Variants in LRRC4C observed in about 807,000 individuals in gnomAD.
LRRC4C encodes the protein leucine-rich repeat-containing protein 4C.
Under a neutral mutation model 33.6 loss-of-function variants are expected in LRRC4C, and 5 were observed. The observed-to-expected ratio is 0.15, with a 90% CI of 0.08 to 0.31. The LOEUF is 0.31. Ranked by LOEUF, LRRC4C falls within the 10% of genes least tolerant of loss-of-function variation. The pLI is 1.00. For synonymous variants in LRRC4C, 329 were observed against 302.0 expected, an observed-to-expected ratio of 1.09 and a Z score of -0.93; for missense variants, 560 against 796.7, an observed-to-expected ratio of 0.70 and a Z score of 3.58.
chr11:40,952,696 A>C (rs760786864), intron 1 of LRRC4C, among the ~76,000 whole-genome samples: 34 of 151,914 alleles, frequency 2.2e-4, no homozygotes, highest in Non-Finnish European at 8.8e-5. Flanking sequence ...CCATGATTCC[A>C]ATCCAAGTGT....
At chr11:40,750,562 C>T (rs750655196) in intron 2 of LRRC4C, among the ~76,000 whole-genome samples, 2 of 148,344 alleles carry the variant, frequency 1.3e-5, no homozygotes, top group Non-Finnish European at 3.0e-5. Flanking sequence ...GGACAAGAAA[C>T]CAAATACCGC....
intron 2 of LRRC4C, among the ~76,000 whole-genome samples, chr11:40,676,014 G>C (rs1418282282): frequency 6.6e-6 from 1 of 152,048 alleles, no homozygotes; most frequent in Non-Finnish European, 1.5e-5. Flanking sequence ...CAAATCCCAG[G>C]AGTTACTAAC....
At chr11:40,356,869 A>G (rs942335692) in intron 3 of LRRC4C, among the ~76,000 whole-genome samples, 1 of 152,188 alleles carries the variant, frequency 6.6e-6, no homozygotes, top group Non-Finnish European at 1.5e-5. Context: ...ATCACTTGAC[A>G]TGAATTACTT....
chr11:40,231,169 C>G (rs962774708), intron 5 of LRRC4C, among the ~76,000 whole-genome samples: 3 of 152,038 alleles, frequency 2.0e-5, no homozygotes, highest in Admixed American at 2.0e-4. Context: ...AAGTTCAAGA[C>G]CAAACTTGGC....
At chr11:40,235,966 C>T (rs1267173009) in intron 5 of LRRC4C, among the ~76,000 whole-genome samples, 1 of 151,850 alleles carries the variant, frequency 6.6e-6, no homozygotes, top group Non-Finnish European at 1.5e-5. Flanking sequence ...CAATATTTGC[C>T]CAGGCCAGTA....
intron 5 of LRRC4C, among the ~76,000 whole-genome samples, chr11:40,177,785 A>G (rs1389060238): frequency 6.6e-6 from 1 of 151,934 alleles, no homozygotes; most frequent in Non-Finnish European, 1.5e-5. Context: ...TTTTCTGGTT[A>G]TTGCTTCTTT....
chr11:40,547,603 T>C (rs1956975828), intron 3 of LRRC4C, among the ~76,000 whole-genome samples: 1 of 152,114 alleles, frequency 6.6e-6, no homozygotes, highest in Non-Finnish European at 1.5e-5. Context: ...TTCAAAAAGA[T>C]GAAACACATC....
At chr11:40,779,772 T>C (rs1169168417) in intron 2 of LRRC4C, among the ~76,000 whole-genome samples, 1 of 152,162 alleles carries the variant, frequency 6.6e-6, no homozygotes, top group African/African-American at 2.4e-5. Flanking sequence ...TGTAAACTTA[T>C]TTGGGGCGTT....
intron 1 of LRRC4C, among the ~76,000 whole-genome samples, chr11:40,972,207 G>T (rs1419711827): frequency 1.3e-5 from 2 of 151,178 alleles, no homozygotes; most frequent in Non-Finnish European, 2.9e-5. Flanking sequence ...TGCAATCTTG[G>T]CTCACTGCAA....
intron 3 of LRRC4C, among the ~76,000 whole-genome samples, chr11:40,371,243 G>A (rs1948436212): frequency 6.6e-6 from 1 of 151,876 alleles, no homozygotes; most frequent in South Asian, 2.1e-4. Flanking sequence ...AAAAATACAA[G>A]CAATTTCACA....
chr11:40,434,554 G>A (rs571465452), intron 3 of LRRC4C, among the ~76,000 whole-genome samples: 2 of 152,194 alleles, frequency 1.3e-5, no homozygotes, highest in South Asian at 2.1e-4. Context: ...CAAAAACTCC[G>A]TGGGGATCTT....
At chr11:40,162,961 G>A (rs1859282099) in intron 5 of LRRC4C, among the ~76,000 whole-genome samples, 1 of 152,062 alleles carries the variant, frequency 6.6e-6, no homozygotes, top group Admixed American at 6.6e-5. Flanking sequence ...TCATCTATAA[G>A]CTTCATTATC....
At chr11:41,342,051 A>G (rs1042149905) in intron 1 of LRRC4C, among the ~76,000 whole-genome samples, 2 of 152,174 alleles carry the variant, frequency 1.3e-5, no homozygotes, top group Non-Finnish European at 2.9e-5. Flanking sequence ...ACATTCCAAA[A>G]ACATTTTTGA....
intron 3 of LRRC4C, among the ~76,000 whole-genome samples, chr11:40,620,698 T>G (rs1199366653): frequency 1.3e-5 from 2 of 151,848 alleles, no homozygotes; most frequent in Admixed American, 6.6e-5. Context: ...TTATTGTGTG[T>G]GCGGTTAAAA....
At chr11:40,367,514 T>C (rs181904481) in intron 3 of LRRC4C, among the ~76,000 whole-genome samples, 1 of 152,060 alleles carries the variant, frequency 6.6e-6, no homozygotes, top group Admixed American at 6.6e-5. Flanking sequence ...ATGCAATGCA[T>C]GGAGGCCACA....
At chr11:40,863,334 C>T (rs1954195216) in intron 2 of LRRC4C, among the ~76,000 whole-genome samples, 1 of 152,142 alleles carries the variant, frequency 6.6e-6, no homozygotes, top group Admixed American at 6.5e-5. Context: ...AATGGAAAGG[C>T]TCATTCACTA....
At chr11:40,435,776 G>A (rs1471171033) in intron 3 of LRRC4C, among the ~76,000 whole-genome samples, 1 of 152,154 alleles carries the variant, frequency 6.6e-6, no homozygotes, top group African/African-American at 2.4e-5. Context: ...CTATTAACCC[G>A]AGTGTTGTTT....
At chr11:40,229,281 A>T (rs770818914) in intron 5 of LRRC4C, among the ~76,000 whole-genome samples, 65 of 151,654 alleles carry the variant, frequency 4.3e-4, no homozygotes, top group Non-Finnish European at 5.9e-4. Context: ...ATATATATAT[A>T]TATTTTTTTG....
At chr11:41,129,540 G>T (rs78329928) in intron 1 of LRRC4C, among the ~76,000 whole-genome samples, 1 of 151,886 alleles carries the variant, frequency 6.6e-6, no homozygotes, top group African/African-American at 2.4e-5. Flanking sequence ...TTTACTAATA[G>T]AATGTTTTTT....
Sources: allele counts gnomAD v4.1 joint callset (sites outside exome capture counted in the v4.1 genomes callset), GRCh38; gene constraint gnomAD v4.1.1; transcripts MANE v1.5; gene names NCBI Gene and HGNC (gene_info 2026-07-23, HGNC 2026-07-21).